Variants in AGTPBP1 observed in about 807,000 individuals in gnomAD.
AGTPBP1 encodes the protein ATP/GTP binding carboxypeptidase 1, also known as cytosolic carboxypeptidase 1.
In AGTPBP1, 70 loss-of-function variants were observed where a neutral mutation model predicts 143.9. The observed-to-expected ratio is 0.49, with a 90% CI of 0.40 to 0.59. The LOEUF (loss-of-function observed/expected upper bound fraction) is 0.59, where lower values mean the gene tolerates loss of function less well. Among genes scored for constraint, AGTPBP1 ranks in the 20% least tolerant of loss-of-function variants. AGTPBP1 has a pLI of 0.00. For missense variants in AGTPBP1, 1,229 were observed against 1,464.5 expected (o/e 0.84, Z 2.62); for synonymous variants, 463 against 500.2 (o/e 0.93, Z 0.99).
chr9:85,697,445 G>GTTTTTTTTTT lies in AGTPBP1; in HGVS notation c.33-4642_33-4633dup, dbSNP rs758082233. On this transcript the variant is annotated intron_variant, in intron 2 of 25. Coordinates refer to ENST00000357081, the MANE Select transcript of AGTPBP1 (RefSeq NM_001330701.2). ...AATTATGGGTCTTAATTTGTTTTTTGTTTTTTTTTTTTTTTTTTTTTTTTT... is the reference window on the plus strand; with the variant it reads ...AATTATGGGTCTTAATTTGTTTTTTGTTTTTTTTTTTTTTTTTTTTTTTTTTTTTTTTTTT... Among the ~76,000 whole-genome samples the GTTTTTTTTTT allele has an allele frequency of 5.4e-4, 35 of 65,058 alleles. 3 individuals are homozygous for GTTTTTTTTTT. Among genetic ancestry groups the GTTTTTTTTTT allele is most frequent in the East Asian group, 3.3e-3 (6 of 1,840 alleles). 42.7% of individuals were successfully genotyped at this position (65,058 alleles called of 152,430 possible). A position where few individuals can be genotyped will look rare whatever the true frequency, so the allele number is the denominator to read the frequency against.
intron 17 of AGTPBP1, among the ~76,000 whole-genome samples, chr9:85,615,367 G>A (rs1350982151): frequency 6.6e-6 from 1 of 151,976 alleles, no homozygotes. Flanking sequence ...AAATAATTAA[G>A]GGTATCTACT....
chr9:85,639,243 GATA>G (rs1832288084), intron 13 of AGTPBP1, among the ~76,000 whole-genome samples: 1 of 151,972 alleles, frequency 6.6e-6, no homozygotes, highest in Non-Finnish European at 1.5e-5. Flanking sequence ...TCAGAGTAAA[GATA>G]ATAAAAACAC....
At chr9:85,772,680 G>T in the AGTPBP1 span, among the ~76,000 whole-genome samples, 2 of 152,042 alleles carry the variant, frequency 1.3e-5, no homozygotes, top group Non-Finnish European at 2.9e-5. Flanking sequence ...TTGATCTCAG[G>T]AGTTGGAAGC....
At chr9:85,764,366 TA>T in the AGTPBP1 span, among the ~76,000 whole-genome samples, 2 of 151,754 alleles carry the variant, frequency 1.3e-5, no homozygotes, top group African/African-American at 2.4e-5. Flanking sequence ...CCATCTCTAG[TA>T]AAAATACAAA....
Position 85,586,785 on chromosome 9 carries a change from A to G in AGTPBP1, c.3033+46T>C, listed in dbSNP as rs112536234. On this transcript the variant is annotated intron_variant, in intron 22 of 25. Transcript: ENST00000357081. The stretch of plus-strand genomic sequence containing the variant: ...CAAGTGCTTGATAATTAAAAATGAT[A>G]TTTTATCTTTGACTATCCCAAGTAA... 93 of 1,582,366 alleles carry G rather than the reference A, an allele frequency of 5.9e-5. 2 individuals are homozygous for G. In the African/African-American group the frequency reaches 8.2e-4, roughly 14 times the overall value.
the AGTPBP1 span, among the ~76,000 whole-genome samples, chr9:85,755,402 T>A: frequency 6.6e-6 from 1 of 152,082 alleles, no homozygotes; most frequent in African/African-American, 2.4e-5. Context: ...TACTCAGATG[T>A]TTGTTTTGGA....
At chr9:85,620,443 G>GT (rs961913688) in intron 15 of AGTPBP1, among the ~76,000 whole-genome samples, 16 of 148,724 alleles carry the variant, frequency 1.1e-4, no homozygotes, top group Non-Finnish European at 1.9e-4. Flanking sequence ...AAAAAAAGGT[G>GT]TTTTTTTCCT....
intron 17 of AGTPBP1, among the ~76,000 whole-genome samples, chr9:85,618,110 C>T (rs941328755): frequency 3.3e-5 from 5 of 151,712 alleles, no homozygotes; most frequent in African/African-American, 7.3e-5. Context: ...CGTGGTGGCA[C>T]GCACCTGTAG....
At chr9:85,775,768 C>T in the AGTPBP1 span, among the ~76,000 whole-genome samples, 1 of 152,058 alleles carries the variant, frequency 6.6e-6, no homozygotes, top group South Asian at 2.1e-4. Flanking sequence ...AAGATGTAGG[C>T]TGGGAGGCTA....
the AGTPBP1 span, among the ~76,000 whole-genome samples, chr9:85,775,714 T>C: frequency 5.3e-5 from 8 of 151,830 alleles, 1 homozygote; most frequent in East Asian, 1.5e-3. Flanking sequence ...ACTAAAGAAC[T>C]TGGAGTCTGA....
chr9:85,557,191 T>A (rs1183194513), intron 25 of AGTPBP1, among the ~76,000 whole-genome samples: 1 of 152,188 alleles, frequency 6.6e-6, no homozygotes, highest in South Asian at 2.1e-4. Flanking sequence ...TCTTCCAGAC[T>A]AATAATCACT....
chr9:85,629,646 A>C (rs971971884), intron 14 of AGTPBP1, among the ~76,000 whole-genome samples: 1 of 152,252 alleles, frequency 6.6e-6, no homozygotes, highest in Non-Finnish European at 1.5e-5. Flanking sequence ...AGCTAGTCAA[A>C]GTCATCATGC....
chr9:85,732,865 A>G (rs773265569), intron 1 of AGTPBP1, among the ~76,000 whole-genome samples: 3 of 152,180 alleles, frequency 2.0e-5, no homozygotes, highest in Non-Finnish European at 4.4e-5. Flanking sequence ...TCTGAATCAA[A>G]TAAGTTTACA....
At chr9:85,630,548 C>T (rs1587778952) in intron 14 of AGTPBP1, among the ~76,000 whole-genome samples, 1 of 151,996 alleles carries the variant, frequency 6.6e-6, no homozygotes, top group East Asian at 1.9e-4. Flanking sequence ...GGCACGATCA[C>T]GGCTCACTGC....
chr9:85,711,441 CTT>C (rs746034159), intron 2 of AGTPBP1, among the ~76,000 whole-genome samples: 20 of 139,226 alleles, frequency 1.4e-4, no homozygotes, highest in Non-Finnish European at 1.7e-4. Flanking sequence ...TTTTTTCTTT[CTT>C]TTTTTTTTTT....
At chr9:85,550,731 C>T (rs1484496276) in intron 25 of AGTPBP1, among the ~76,000 whole-genome samples, 1 of 152,202 alleles carries the variant, frequency 6.6e-6, no homozygotes, top group Non-Finnish European at 1.5e-5. Flanking sequence ...AAGCCCAATC[C>T]TCTTCCAGTA....
At chr9:85,699,029 AT>A (rs1479928615) in intron 2 of AGTPBP1, among the ~76,000 whole-genome samples, 1 of 152,082 alleles carries the variant, frequency 6.6e-6, no homozygotes, top group Non-Finnish European at 1.5e-5. Flanking sequence ...GGGAGGTTCC[AT>A]TTGTAACTGT....
chr9:85,604,494 C>T (rs76331597), intron 17 of AGTPBP1, among the ~76,000 whole-genome samples: 4,842 of 152,176 alleles, frequency 0.032, 117 homozygotes, highest in Non-Finnish European at 0.052. Flanking sequence ...TATTTGGAAA[C>T]CCTTCCCAAG....
chr9:85,619,638 TA>T (rs1376079619), intron 15 of AGTPBP1, among the ~76,000 whole-genome samples: 1 of 152,202 alleles, frequency 6.6e-6, no homozygotes, highest in Non-Finnish European at 1.5e-5. Flanking sequence ...ATAATTCTCA[TA>T]AACGATGCAG....
Sources: allele counts gnomAD v4.1 joint callset (sites outside exome capture counted in the v4.1 genomes callset), GRCh38; gene constraint gnomAD v4.1.1; transcripts MANE v1.5; gene names NCBI Gene and HGNC (gene_info 2026-07-23, HGNC 2026-07-21).